The following KSR2 variants were observed in gnomAD, a reference collection of about 807,000 sequenced individuals.
The protein encoded by KSR2 is kinase suppressor of ras 2.
Under a neutral mutation model 107.8 loss-of-function variants are expected in KSR2, and 25 were observed. That is an observed-to-expected ratio of 0.23 (90% CI 0.17 to 0.32). The LOEUF (loss-of-function observed/expected upper bound fraction) is 0.32, where lower values mean the gene tolerates loss of function less well. Ranked by LOEUF, KSR2 falls within the 10% of genes least tolerant of loss-of-function variation. The pLI is 1.00. For missense variants in KSR2, 887 were observed against 1,268.9 expected (o/e 0.70, Z 4.57); for synonymous variants, 480 against 507.0 (o/e 0.95, Z 0.71).
Position 117,968,113 on chromosome 12 carries a change from G to C in KSR2, c.143C>G (p.Ser48Cys), listed in dbSNP as rs775557966. ...GATTTCTTTTTGTGTGAGGTCGTTGGAGGTAGCACATTTGGTCCTAAGCCC... is the reference window on the plus strand; with the variant it reads ...GATTTCTTTTTGTGTGAGGTCGTTGCAGGTAGCACATTTGGTCCTAAGCCC... ...LEGLRTKCATSNDLTQKEIRT... is the reference protein window; with the variant it reads ...LEGLRTKCATCNDLTQKEIRT... The change falls in exon 1 of 20, where the codon TCC becomes TGC. Residue 48 changes from serine to cysteine, a missense_variant. This residue lies in a region of KSR2 where 21 missense variants were observed against 57.8 expected (regional missense o/e 0.36). Coordinates refer to ENST00000339824, the MANE Select transcript of KSR2 (RefSeq NM_173598.6). 1 of 1,609,458 alleles carries C rather than the reference G, an allele frequency of 6.2e-7. No homozygotes were observed. The highest frequency in any genetic ancestry group is 8.5e-7 in the Non-Finnish European group (1 of 1,178,624).
At chr12:117,937,225 T>C (rs189773706) in intron 1 of KSR2, among the ~76,000 whole-genome samples, 1 of 152,228 alleles carries the variant, frequency 6.6e-6, no homozygotes, top group African/African-American at 2.4e-5. Context: ...CTCAGACCTG[T>C]AGCATGCTAC....
intron 5 of KSR2, among the ~76,000 whole-genome samples, chr12:117,627,025 C>CTTTTTT (rs201042072): frequency 4.3e-4 from 62 of 144,734 alleles, no homozygotes; most frequent in African/African-American, 1.2e-3. Flanking sequence ...GCAACCCCTG[C>CTTTTTT]TTTTTTTTTT....
intron 3 of KSR2, among the ~76,000 whole-genome samples, chr12:117,772,276 C>CACAA (rs1889507292): frequency 8.0e-6 from 1 of 125,620 alleles, no homozygotes; most frequent in Non-Finnish European, 1.8e-5. Context: ...CCCAAAGACG[C>CACAA]ACACACACTC....
At chr12:117,966,043 G>C (rs1463674070) in intron 1 of KSR2, among the ~76,000 whole-genome samples, 1 of 152,104 alleles carries the variant, frequency 6.6e-6, no homozygotes, top group African/African-American at 2.4e-5. Flanking sequence ...TGGGACAAGG[G>C]AACTGAAAAC....
chr12:117,710,231 GA>G (rs111987765), intron 4 of KSR2, among the ~76,000 whole-genome samples: 31,646 of 149,926 alleles, frequency 0.21, 4,799 homozygotes, highest in African/African-American at 0.42. Context: ...TTTGTTTAAA[GA>G]AAAAAAAAAT....
At chr12:117,936,763 A>C (rs935370690) in intron 1 of KSR2, among the ~76,000 whole-genome samples, 1 of 152,174 alleles carries the variant, frequency 6.6e-6, no homozygotes, top group African/African-American at 2.4e-5. Flanking sequence ...GTGAGCTACA[A>C]GAGCACAGGG....
At chr12:117,851,279 G>A (rs1030664729) in intron 3 of KSR2, among the ~76,000 whole-genome samples, 1 of 152,158 alleles carries the variant, frequency 6.6e-6, no homozygotes, top group Non-Finnish European at 1.5e-5. Flanking sequence ...TCAAACCATA[G>A]TGAGGTGTGT....
chr12:117,700,047 A>ATTTT (rs111936904), intron 4 of KSR2, among the ~76,000 whole-genome samples: 2 of 148,202 alleles, frequency 1.3e-5, no homozygotes, highest in South Asian at 2.1e-4. Context: ...TAATTTTGGT[A>ATTTT]CTTTTTTTTT....
chr12:117,876,550 A>C lies in KSR2; in HGVS notation c.181-16119T>G, dbSNP rs139448747. Among the ~76,000 whole-genome samples the C allele has an allele frequency of 1.9e-3, 288 of 152,288 alleles. 10 individuals are homozygous for C. The East Asian group carries it at 0.042, about 22-fold the overall frequency. The stretch of plus-strand genomic sequence containing the variant: ...TGATGGATATTACAAACAATAGAAA[A>C]AAGGGTTTATATATTTAATGAGCAC... On this transcript the variant is annotated intron_variant, in intron 1 of 19. Transcript: ENST00000339824.
intron 3 of KSR2, among the ~76,000 whole-genome samples, chr12:117,777,976 T>G (rs1267074885): frequency 6.6e-6 from 1 of 152,156 alleles, no homozygotes; most frequent in Non-Finnish European, 1.5e-5. Context: ...AAGGCTGCAG[T>G]AAGCCATGAT....
chr12:117,839,599 AG>A (rs529924019), intron 3 of KSR2, among the ~76,000 whole-genome samples: 1 of 152,230 alleles, frequency 6.6e-6, no homozygotes. Context: ...AGGAATTTCC[AG>A]TCTAATATGG....
chr12:117,947,517 C>A (rs1020702782), intron 1 of KSR2, among the ~76,000 whole-genome samples: 2 of 152,026 alleles, frequency 1.3e-5, no homozygotes, highest in African/African-American at 4.8e-5. Context: ...TCCCACTATT[C>A]CCATCCAACA....
chr12:117,694,387 G>A (rs542414823), intron 4 of KSR2, among the ~76,000 whole-genome samples: 18 of 152,310 alleles, frequency 1.2e-4, no homozygotes, highest in East Asian at 9.6e-4. Flanking sequence ...CATGTAAGAT[G>A]TGACTTTGCT....
chr12:117,786,322 T>C (rs971956455), intron 3 of KSR2, among the ~76,000 whole-genome samples: 1 of 152,312 alleles, frequency 6.6e-6, no homozygotes, highest in South Asian at 2.1e-4. Context: ...ATTTTTTATT[T>C]TTTTTATTTT....
At chr12:117,589,882 C>T (rs1346988308) in intron 5 of KSR2, among the ~76,000 whole-genome samples, 1 of 152,208 alleles carries the variant, frequency 6.6e-6, no homozygotes, top group Non-Finnish European at 1.5e-5. Context: ...TAACTCACCT[C>T]CCAAGATCCA....
At chr12:117,584,734 A>G (rs146823408) in intron 5 of KSR2, among the ~76,000 whole-genome samples, 1 of 152,336 alleles carries the variant, frequency 6.6e-6, no homozygotes, top group East Asian at 1.9e-4. Flanking sequence ...GATTATTATA[A>G]TAGAAACATC....
At chr12:117,772,167 T>TACACTC (rs1889490421) in intron 3 of KSR2, among the ~76,000 whole-genome samples, 2 of 42,798 alleles carry the variant, frequency 4.7e-5, no homozygotes, top group Non-Finnish European at 9.3e-5. Flanking sequence ...AAGACGCACA[T>TACACTC]ACACATACAC....
intron 2 of KSR2, among the ~76,000 whole-genome samples, chr12:117,859,461 A>ATTTTT (rs35142684): frequency 5.4e-5 from 7 of 130,646 alleles, no homozygotes; most frequent in African/African-American, 2.1e-4. Context: ...TTTTTTATTT[A>ATTTTT]TTTTTTTTTT....
chr12:117,494,993 A>C (rs1244994878), intron 14 of KSR2, among the ~76,000 whole-genome samples: 2 of 152,234 alleles, frequency 1.3e-5, no homozygotes, highest in African/African-American at 4.8e-5. Context: ...AGTGTCTCCC[A>C]GTGGCTACTC....
Sources: gnomAD v4.1 joint callset for allele counts (sites outside exome capture counted in the v4.1 genomes callset) on GRCh38, gnomAD v4.1.1 for gene constraint, gnomAD v4.1.1 regional missense constraint, MANE v1.5 for transcripts, NCBI Gene and HGNC (gene_info 2026-07-23, HGNC 2026-07-21) for gene names.